Variants in SNX19 observed in about 807,000 individuals in gnomAD.
SNX19 encodes the protein sorting nexin-19.
A neutral mutation model predicts 85.2 loss-of-function variants in SNX19; 60 were observed. The observed-to-expected ratio is 0.70, with a 90% CI of 0.57 to 0.87. SNX19 has a LOEUF of 0.87. Ranked by LOEUF, SNX19 falls within the 40% of genes least tolerant of loss-of-function variation. The pLI is 0.00. For missense variants in SNX19, 1,201 were observed against 1,217.8 expected (o/e 0.99, Z 0.21); for synonymous variants, 520 against 470.0 (o/e 1.11, Z -1.38).
At chr11:130,893,113 A>G (rs1944611224) in intron 8 of SNX19, 1 of 152,182 alleles carries the variant, frequency 6.6e-6, no homozygotes, top group Admixed American at 6.5e-5. Flanking sequence ...TTTACCTCAC[A>G]GGGAGATCTC....
At position 130,873,347 on chromosome 11, in the gene SNX19, T is replaced by G. The variant is rs541220240; in HGVS notation, c.*5075A>C. On this transcript the variant is annotated 3_prime_UTR_variant, in exon 11 of 11. Coordinates refer to ENST00000265909, the MANE Select transcript of SNX19 (RefSeq NM_014758.3). ...CCATACTGCTGCAAAACCTAGTATTTAGTCTCCAGACCTTTACAGAGAAAG... is the reference window on the plus strand; with the variant it reads ...CCATACTGCTGCAAAACCTAGTATTGAGTCTCCAGACCTTTACAGAGAAAG... Among the ~76,000 whole-genome samples the G allele has an allele frequency of 4.9e-4, 74 of 152,336 alleles. 1 individual carries two copies. Among genetic ancestry groups the G allele is most frequent in the Non-Finnish European group, 9.1e-4 (62 of 68,026 alleles).
intron 8 of SNX19, among the ~76,000 whole-genome samples, chr11:130,892,267 GAC>G (rs1430782418): frequency 6.6e-6 from 1 of 151,506 alleles, no homozygotes; most frequent in Non-Finnish European, 1.5e-5. Context: ...AATCAGGACT[GAC>G]AGACTTTAAA....
chr11:130,878,648 C>T (rs1257505091), intron 10 of SNX19, 94 bp from the exon 11 acceptor site: 2 of 1,443,520 alleles, frequency 1.4e-6, no homozygotes, highest in Non-Finnish European at 1.9e-6. Flanking sequence ...CCATCACCGA[C>T]ACCCTAAACT....
rs1389263457 is a variant in SNX19 at position 130,907,984 on chromosome 11, T to G, written c.2134A>C (p.Lys712Gln). The change falls in exon 5 of 11, where the codon AAG (lysine) becomes CAG (glutamine). Residue 712 changes from lysine to glutamine, a missense_variant. Around this residue, in one of 3 missense-constraint regions of SNX19, gnomAD observed 125 missense variants for 171.6 expected, o/e 0.73. Transcript: ENST00000265909. ...GCCTTCTTGCCTTCTGTCTGGGGCT[T>G]GCTTTCGGTCTCGGCCTCACTCAGC... Reference protein sequence around the residue: ...EELSEAETESKPQTEGKKASK... With the variant: ...EELSEAETESQPQTEGKKASK... 3 of 1,614,042 alleles carry G rather than the reference T, an allele frequency of 1.9e-6. No individual in the cohort carries two copies. The African/African-American group carries it at 4.0e-5, about 22-fold the overall frequency.
At position 130,914,481 on chromosome 11, in the gene SNX19, G is replaced by A. The variant is rs1946381771; in HGVS notation, c.1459C>T (p.Leu487Phe). The change falls in exon 1 of 11, where the codon CTC (leucine) becomes TTC (phenylalanine). Residue 487 changes from leucine to phenylalanine, a missense_variant. Leu to Phe is a conservative substitution (Grantham distance 22). This residue lies in a region of SNX19 where 791 missense variants were observed against 750.9 expected (regional missense o/e 1.05). Transcript: ENST00000265909. ...PSRPSCLEKD[L>F]TNDVSSLDPT... ...TCAAGGGAGCTCACATCATTGGTGA[G>A]ATCCTTCTCTAAGCATGACGGCCGT... The A allele has an allele frequency of 1.2e-6, 2 of 1,613,884 alleles. No individual in the cohort carries two copies. Among genetic ancestry groups the A allele is most frequent in the Non-Finnish European group, 1.7e-6 (2 of 1,179,812 alleles).
At chr11:130,900,801 A>G (rs1039061841) in intron 8 of SNX19, among the ~76,000 whole-genome samples, 13 of 152,168 alleles carry the variant, frequency 8.5e-5, no homozygotes, top group African/African-American at 3.1e-4. Context: ...TAAACCACTT[A>G]GAAGATTAGC....
intron 8 of SNX19, chr11:130,893,662 C>A: frequency 1.6e-6 from 1 of 618,310 alleles, no homozygotes. Context: ...ACTTTGGGAG[C>A]ACTGACTATG....
chr11:130,902,102 T>A (rs990674695), intron 8 of SNX19, among the ~76,000 whole-genome samples: 1 of 152,218 alleles, frequency 6.6e-6, no homozygotes, highest in African/African-American at 2.4e-5. Context: ...GTTGTACAAA[T>A]CTGGTTTAAA....
chr11:130,881,060 C>T lies in SNX19; in HGVS notation c.2574-254G>A, dbSNP rs575671952. 1.3e-5 allele frequency: 4 copies of T among 315,430 alleles called. No individual in the cohort carries two copies. In the Admixed American group the frequency reaches 2.0e-4, roughly 16 times the overall value. 19.5% of individuals were successfully genotyped at this position (315,430 alleles called of 1,614,324 possible). ...GAGGACACAGGGAGAAGACAGCTGT[C>T]TATGAACAAGGAAAAGGGCCCTTGC... is the stretch of plus-strand genomic sequence containing the variant. On this transcript the variant is annotated intron_variant, in intron 8 of 10. Coordinates refer to ENST00000265909, the MANE Select transcript of SNX19 (RefSeq NM_014758.3).
chr11:130,909,002 G>A (rs1359058746), intron 4 of SNX19, among the ~76,000 whole-genome samples: 1 of 152,166 alleles, frequency 6.6e-6, no homozygotes, highest in Admixed American at 6.5e-5. Flanking sequence ...GTAAAGACTG[G>A]GGGAGAACAA....
In SNX19 at chr11:130,875,957, T is replaced by C. The variant is rs932825106; in HGVS notation, c.*2465A>G. On this transcript the variant is annotated 3_prime_UTR_variant, in exon 11 of 11. Transcript: ENST00000265909. Reference sequence around the variant, plus strand: ...TGCAAAAATGAAACTGTGAGTTATATGTGATGAAAAAGTATAGCTTTCTTG... The same window carrying C: ...TGCAAAAATGAAACTGTGAGTTATACGTGATGAAAAAGTATAGCTTTCTTG... 6.6e-6 allele frequency: 1 copy of C among 152,200 alleles called. No homozygotes were observed. Among genetic ancestry groups the C allele is most frequent in the Non-Finnish European group, 1.5e-5 (1 of 68,034 alleles). 9.4% of individuals were successfully genotyped at this position (152,200 alleles called of 1,614,324 possible). A position where few individuals can be genotyped will look rare whatever the true frequency, so the allele number is the denominator to read the frequency against.
intron 1 of SNX19, among the ~76,000 whole-genome samples, chr11:130,912,182 A>G (rs1946179542): frequency 6.6e-6 from 1 of 152,234 alleles, no homozygotes; most frequent in Non-Finnish European, 1.5e-5. Flanking sequence ...TATATTAGTT[A>G]AGGGAAGAAG....
chr11:130,884,204 A>G (rs550166414), intron 8 of SNX19, among the ~76,000 whole-genome samples: 7 of 152,156 alleles, frequency 4.6e-5, no homozygotes, highest in African/African-American at 1.7e-4. Context: ...AACTTTATTA[A>G]CTCCCCTAAT....
intron 7 of SNX19, among the ~76,000 whole-genome samples, chr11:130,904,382 G>A (rs1293327945): frequency 1.3e-5 from 2 of 152,166 alleles, no homozygotes; most frequent in Non-Finnish European, 2.9e-5. Flanking sequence ...AATGACTTCC[G>A]ATTTGGACAG....
At chr11:130,908,315 C>T (rs967753537) in intron 4 of SNX19, 9 of 336,900 alleles carry the variant, frequency 2.7e-5, no homozygotes, top group Admixed American at 2.3e-4. Flanking sequence ...AAACAAACAA[C>T]GCCATGGGAA....
chr11:130,881,043 A>C, intron 8 of SNX19: 1 of 345,052 alleles, frequency 2.9e-6, no homozygotes, highest in Non-Finnish European at 5.2e-6. Flanking sequence ...ATGAGGACAC[A>C]GGGAGAAGAC....
chr11:130,880,869 G>C, intron 8 of SNX19, 63 bp from the exon 9 acceptor site: 2 of 1,367,990 alleles, frequency 1.5e-6, no homozygotes, highest in Non-Finnish European at 2.0e-6. Context: ...CAAGGCAGCG[G>C]ACTGACTGTT....
At chr11:130,907,428 T>A (rs1387221283) in intron 5 of SNX19, among the ~76,000 whole-genome samples, 1 of 152,118 alleles carries the variant, frequency 6.6e-6, no homozygotes, top group African/African-American at 2.4e-5. Flanking sequence ...GCTTGCCACA[T>A]GTTGGCTTTG....
In SNX19 at chr11:130,879,523, A is replaced by G. The variant is rs546841900; in HGVS notation, c.2846+101T>C. 10 of 997,064 alleles carry G rather than the reference A, an allele frequency of 1.0e-5. No homozygotes were observed. In the Admixed American group the frequency reaches 1.4e-4, roughly 14 times the overall value. The allele number at this position is 997,064 out of a possible 1,614,324, so 61.8% of individuals were successfully genotyped here. A position where few individuals can be genotyped will look rare whatever the true frequency, so the allele number is the denominator to read the frequency against. ...CAGAGCAAGTAAAGACTACAATCCT[A>G]TTCTTTGGAATGTGGGCTTTTCACT... On this transcript the variant is annotated intron_variant, in intron 10 of 10. Transcript: ENST00000265909.
Sources: gnomAD v4.1 joint callset for allele counts (sites outside exome capture counted in the v4.1 genomes callset) on GRCh38, gnomAD v4.1.1 for gene constraint, gnomAD v4.1.1 regional missense constraint, MANE v1.5 for transcripts, NCBI Gene and HGNC (gene_info 2026-07-23, HGNC 2026-07-21) for gene names.